CNTN6: variants seen among roughly 807,000 people sequenced by gnomAD.
CNTN6 encodes contactin-6.
A neutral mutation model predicts 122.8 loss-of-function variants in CNTN6; 137 were observed. That is an observed-to-expected ratio of 1.12 (90% CI 0.97 to 1.29). CNTN6 has a LOEUF of 1.29. CNTN6 is among the 50% of genes most tolerant of loss of function. CNTN6 has a pLI of 0.00. For missense variants in CNTN6, 1,634 were observed against 1,223.4 expected, an observed-to-expected ratio of 1.34 and a Z score of -5.01; for synonymous variants, 570 against 426.0, an observed-to-expected ratio of 1.34 and a Z score of -4.16.
intron 2 of CNTN6, among the ~76,000 whole-genome samples, chr3:1,151,661 A>G (rs1181526543): frequency 6.6e-6 from 1 of 152,238 alleles, no homozygotes; most frequent in East Asian, 1.9e-4. Flanking sequence ...ACCTTCAACA[A>G]TAGGTCCATA....
At chr3:1,123,083 T>G (rs941870519) in intron 1 of CNTN6, among the ~76,000 whole-genome samples, 1 of 151,840 alleles carries the variant, frequency 6.6e-6, no homozygotes. Flanking sequence ...GAAGTATAAG[T>G]CCTTCAAGTT....
At chr3:1,272,464 T>G (rs981819388) in intron 4 of CNTN6, among the ~76,000 whole-genome samples, 2 of 152,190 alleles carry the variant, frequency 1.3e-5, no homozygotes, top group South Asian at 4.1e-4. Context: ...CTCCATATAT[T>G]AAAAAATGAA....
At chr3:1,216,977 A>T (rs998557171) in intron 2 of CNTN6, among the ~76,000 whole-genome samples, 2 of 152,202 alleles carry the variant, frequency 1.3e-5, no homozygotes, top group African/African-American at 4.8e-5. Flanking sequence ...ATGGATGATG[A>T]TGATGATGCT....
chr3:1,302,972 G>A (rs55751771), intron 7 of CNTN6, among the ~76,000 whole-genome samples: 2,082 of 151,894 alleles, frequency 0.014, 55 homozygotes, highest in African/African-American at 0.046. Flanking sequence ...ATCTCAGTTT[G>A]GGAGGTTCTA....
chr3:1,309,176 G>A lies in CNTN6; in HGVS notation c.761+11185G>A, dbSNP rs75381397. On this transcript the variant is annotated intron_variant, in intron 7 of 22. Transcript: ENST00000446702. Reference sequence around the variant, plus strand: ...ATCAATTTTTTTTCCAATAAACGGTGTTTTTGGCATTAAATACAAAAACTC... The same window carrying A: ...ATCAATTTTTTTTCCAATAAACGGTATTTTTGGCATTAAATACAAAAACTC... Among the ~76,000 whole-genome samples, 3 of 152,114 alleles carry A rather than the reference G, an allele frequency of 2.0e-5. No homozygotes were observed. In the East Asian group the frequency reaches 5.8e-4, roughly 29 times the overall value.
chr3:1,268,606 CAAAA>C (rs71690299), intron 4 of CNTN6, among the ~76,000 whole-genome samples: 2 of 99,502 alleles, frequency 2.0e-5, no homozygotes. Flanking sequence ...GACTCCGTCT[CAAAA>C]AAAAAAAAAA....
At chr3:1,136,859 T>C (rs74881082) in intron 1 of CNTN6, among the ~76,000 whole-genome samples, 1,920 of 152,290 alleles carry the variant, frequency 0.013, 41 homozygotes, top group African/African-American at 0.043. Context: ...TCCAGTTACT[T>C]AGTTCCTCCC....
At chr3:1,132,273 T>A (rs6769969) in intron 1 of CNTN6, among the ~76,000 whole-genome samples, 4,706 of 152,146 alleles carry the variant, frequency 0.031, 266 homozygotes, top group African/African-American at 0.11. Context: ...AAGCCAAAAA[T>A]GGGATGTGCT....
chr3:1,391,746 T>C (rs1305403618), intron 20 of CNTN6, among the ~76,000 whole-genome samples: 6 of 149,088 alleles, frequency 4.0e-5, no homozygotes, highest in Non-Finnish European at 8.9e-5. Flanking sequence ...TCACAAGCAT[T>C]CTTATACACC....
chr3:1,156,750 G>T (rs1160640618), intron 2 of CNTN6, among the ~76,000 whole-genome samples: 1 of 143,790 alleles, frequency 7.0e-6, no homozygotes, highest in Non-Finnish European at 1.5e-5. Context: ...GTCTCGCTCT[G>T]TTGCCAAGGC....
intron 4 of CNTN6, among the ~76,000 whole-genome samples, chr3:1,255,806 G>T (rs2094748139): frequency 6.6e-6 from 1 of 152,016 alleles, no homozygotes; most frequent in African/African-American, 2.4e-5. Flanking sequence ...CTGAGTAGTA[G>T]CTGGGTCCAC....
intron 11 of CNTN6, among the ~76,000 whole-genome samples, chr3:1,346,844 T>C (rs1244015675): frequency 3.9e-5 from 6 of 152,154 alleles, no homozygotes; most frequent in African/African-American, 1.4e-4. Context: ...GGATGTGATG[T>C]GATCCTTCTC....
rs1015465661 is a variant in CNTN6, at chr3:1,225,702, T to G, written c.183-2116T>G. 5.2e-5 allele frequency among the ~76,000 whole-genome samples: 6 copies of G among 116,414 alleles called. No individual in the cohort carries two copies. In the East Asian group the frequency reaches 5.8e-4, roughly 11 times the overall value. 76.4% of individuals were successfully genotyped at this position (116,414 alleles called of 152,430 possible). A position where few individuals can be genotyped will look rare whatever the true frequency, so the allele number is the denominator to read the frequency against. On this transcript the variant is annotated intron_variant, in intron 3 of 22. Coordinates refer to ENST00000446702, the MANE Select transcript of CNTN6 (RefSeq NM_001289080.2). ...AGTTTTGAAGGGTTTTATTATTGTTTTTTTTTTTTTTCACTTTTTTCTTAC... is the reference window on the plus strand; with the variant it reads ...AGTTTTGAAGGGTTTTATTATTGTTGTTTTTTTTTTTCACTTTTTTCTTAC...
At chr3:1,258,757 T>C (rs1217452477) in intron 4 of CNTN6, among the ~76,000 whole-genome samples, 2 of 152,126 alleles carry the variant, frequency 1.3e-5, no homozygotes, top group Admixed American at 6.6e-5. Flanking sequence ...AGGTTTTATC[T>C]GCTCCATGGG....
intron 4 of CNTN6, among the ~76,000 whole-genome samples, chr3:1,272,087 A>G (rs901138564): frequency 2.6e-5 from 4 of 152,120 alleles, no homozygotes; most frequent in African/African-American, 4.8e-5. Context: ...CCCTGCATAC[A>G]CTGTCTTGCC....
intron 4 of CNTN6, among the ~76,000 whole-genome samples, chr3:1,246,781 T>C (rs550331781): frequency 4.3e-4 from 65 of 152,282 alleles, no homozygotes; most frequent in African/African-American, 1.3e-3. Context: ...CTAATGAAAT[T>C]GGGCACTTTT....
rs777602103 is a variant in CNTN6 at position 1,373,646 on chromosome 3, C to T, written c.1829C>T (p.Ser610Phe). 5 of 1,612,630 alleles carry T rather than the reference C, an allele frequency of 3.1e-6. No homozygotes were observed. Among genetic ancestry groups the T allele is most frequent in the African/African-American group, 2.7e-5 (2 of 74,878 alleles). Residue 610 changes from serine (S) to phenylalanine (F), a missense_variant, in exon 15 of 23, where the codon TCC becomes TTC. Ser to Phe is a radical substitution (Grantham distance 155). Transcript: ENST00000446702. The part of the protein sequence containing the change: ...PPEDVQVEDI[S>F]STTSQLSWRA... ...GAGGATGTGCAAGTGGAAGACATTT[C>T]CAGTACTACTTCTCAACTAAGTTGG... is the stretch of plus-strand genomic sequence containing the variant.
At chr3:1,128,411 A>C (rs909672627) in intron 1 of CNTN6, 1 of 151,988 alleles carries the variant, frequency 6.6e-6, no homozygotes, top group African/African-American at 2.4e-5. Context: ...CATCTGGTCA[A>C]CATCACTAAT....
At chr3:1,308,231 A>C (rs4684882) in intron 7 of CNTN6, among the ~76,000 whole-genome samples, 94,022 of 151,452 alleles carry the variant, frequency 0.62, 31,528 homozygotes, top group African/African-American at 0.88. Flanking sequence ...CCATTGGGAG[A>C]CTTTTAAGTT....
Sources: allele counts gnomAD v4.1 joint callset (sites outside exome capture counted in the v4.1 genomes callset), GRCh38; gene constraint gnomAD v4.1.1; transcripts MANE v1.5; gene names NCBI Gene and HGNC (gene_info 2026-07-23, HGNC 2026-07-21).